Variants in ZNF506 observed in about 807,000 individuals in gnomAD.
ZNF506 encodes the protein zinc finger protein 506.
A neutral mutation model predicts 11.6 loss-of-function variants in ZNF506; 10 were observed. The observed-to-expected ratio is 0.86, with a 90% CI of 0.53 to 1.46. The LOEUF (loss-of-function observed/expected upper bound fraction) is 1.46. Ranked by LOEUF, ZNF506 falls within the 40% of genes most tolerant of loss-of-function variation. ZNF506 has a pLI of 0.00. For synonymous variants in ZNF506, 156 were observed against 173.3 expected (o/e 0.90, Z 0.78); for missense variants, 425 against 521.2 (o/e 0.82, Z 1.80).
At chr19:19,808,055 T>C (rs1448373539) in intron 1 of ZNF506, among the ~76,000 whole-genome samples, 1 of 146,646 alleles carries the variant, frequency 6.8e-6, no homozygotes, top group Non-Finnish European at 1.5e-5. Flanking sequence ...AAAATAACTC[T>C]ATAGTGAAAA....
Position 19,807,000 on chromosome 19 carries a change from T to A in ZNF506, c.72A>T (p.Ala24=), listed in dbSNP as rs1468621690. Residue 24 remains alanine, a synonymous_variant, in exon 2 of 4, where the codon GCA becomes GCT. Transcript: ENST00000540806. Reference sequence around the variant, plus strand: ...TCACATCCCTATATAGATTCCGCTGTGCAGCGTCCAGGCAATGCCACTCCT... The same window carrying A: ...TCACATCCCTATATAGATTCCGCTGAGCAGCGTCCAGGCAATGCCACTCCT... ...SLEEWHCLDA[A]QRNLYRDVML... 6.2e-7 allele frequency: 1 copy of A among 1,614,112 alleles called. No individual in the cohort carries two copies. The highest frequency in any genetic ancestry group is 8.5e-7 in the Non-Finnish European group (1 of 1,179,986).
Position 19,793,804 on chromosome 19 carries a change from TAGG to T in ZNF506, c.*745_*747del, listed in dbSNP as rs2062714290. The T allele has an allele frequency of 6.6e-6, 1 of 152,176 alleles. No homozygotes were observed. The allele number at this position is 152,176 out of a possible 1,614,324, so 9.4% of individuals were successfully genotyped here. A position where few individuals can be genotyped will look rare whatever the true frequency, so the allele number is the denominator to read the frequency against. The stretch of plus-strand genomic sequence containing the variant: ...AGTTTTGCCACATTCTTCACACTTG[TAGG>T]AGTTTTGGCAGCATTAATTCTCTTA... On this transcript the variant is annotated 3_prime_UTR_variant, in exon 4 of 4. Coordinates refer to ENST00000540806, the MANE Select transcript of ZNF506 (RefSeq NM_001099269.3).
At chr19:19,818,408 A>T (rs778763679) in intron 1 of ZNF506, among the ~76,000 whole-genome samples, 4 of 152,140 alleles carry the variant, frequency 2.6e-5, no homozygotes, top group Non-Finnish European at 5.9e-5. Context: ...TATCTACCAG[A>T]TTTTCCTGTG....
At chr19:19,799,543 CAAT>C in intron 3 of ZNF506, 2 of 550,216 alleles carry the variant, frequency 3.6e-6, no homozygotes, top group Non-Finnish European at 6.4e-6. Context: ...GAGTATAAGA[CAAT>C]AATATAAATA....
intron 1 of ZNF506, among the ~76,000 whole-genome samples, chr19:19,821,373 G>A (rs193260505): frequency 1.3e-5 from 2 of 152,306 alleles, no homozygotes; most frequent in East Asian, 3.9e-4. Context: ...TTCCACGCCA[G>A]GGCACAGTCA....
At position 19,806,120 on chromosome 19, in the gene ZNF506, A is replaced by T; in HGVS notation, c.137T>A (p.Val46Asp). Residue 46 changes from valine to aspartate, a missense_variant, in exon 3 of 4, where the codon GTT (valine) becomes GAT (aspartate). By Grantham distance (152) the Val-to-Asp change is radical (BLOSUM62 -3). This residue lies in a region of ZNF506 where 226 missense variants were observed against 279.1 expected (regional missense o/e 0.81). Coordinates refer to ENST00000540806, the MANE Select transcript of ZNF506 (RefSeq NM_001099269.3). The part of the protein sequence containing the change: ...NYRNLIFLGI[V>D]VSKPNLITCL... ...GGTGATCAGGTTTGGTTTAGAGACA[A>T]CAATACCTGTTTTATTAAGAATAAA... 1 of 1,600,528 alleles carries T rather than the reference A, an allele frequency of 6.2e-7. No homozygotes were observed. Among genetic ancestry groups the T allele is most frequent in the Non-Finnish European group, 8.5e-7 (1 of 1,175,162 alleles).
At chr19:19,800,882 T>C (rs2062786274) in intron 3 of ZNF506, among the ~76,000 whole-genome samples, 1 of 152,060 alleles carries the variant, frequency 6.6e-6, no homozygotes, top group Non-Finnish European at 1.5e-5. Flanking sequence ...TGTTTCAGGC[T>C]GGGAGCGGTG....
intron 1 of ZNF506, among the ~76,000 whole-genome samples, chr19:19,816,112 T>C (rs925425039): frequency 6.6e-6 from 1 of 152,102 alleles, no homozygotes; most frequent in African/African-American, 2.4e-5. Context: ...CTCTGCACAT[T>C]TTCTCTTTCT....
Position 19,794,818 on chromosome 19 carries a change from AGAG to A in ZNF506, c.1066_1068del (p.Leu356del). The A allele has an allele frequency of 6.2e-7, 1 of 1,610,696 alleles. No individual in the cohort carries two copies. The highest frequency in any genetic ancestry group is 8.5e-7 in the Non-Finnish European group (1 of 1,178,910). On this transcript the variant is annotated inframe_deletion, in exon 4 of 4. Coordinates refer to ENST00000540806, the MANE Select transcript of ZNF506 (RefSeq NM_001099269.3). ...CCAGTATGAGCTCTCTTATGTTTAG[AGAG>A]GCTTGAGTACCAGGTAAAGGTTTTG...
intron 1 of ZNF506, among the ~76,000 whole-genome samples, chr19:19,809,325 AG>A (rs2062865709): frequency 1.3e-5 from 2 of 152,242 alleles, no homozygotes; most frequent in Non-Finnish European, 2.9e-5. Flanking sequence ...AATTTTAACA[AG>A]TAGTTAAACC....
intron 1 of ZNF506, among the ~76,000 whole-genome samples, chr19:19,810,229 C>T (rs2062873466): frequency 6.6e-6 from 1 of 152,218 alleles, no homozygotes; most frequent in African/African-American, 2.4e-5. Context: ...GTCCCTTACA[C>T]TCAGCACTCT....
chr19:19,793,956 G>A lies in ZNF506; in HGVS notation c.*596C>T, dbSNP rs1045549541. 1.3e-5 allele frequency: 2 copies of A among 152,588 alleles called. No individual in the cohort carries two copies. 9.5% of individuals were successfully genotyped at this position (152,588 alleles called of 1,614,324 possible). Reference sequence around the variant, plus strand: ...TGGAGGTGGTGGTAAAAGCACTGTTGCATCTTTCAGGTTTGTAGAGTTCCT... The same window carrying A: ...TGGAGGTGGTGGTAAAAGCACTGTTACATCTTTCAGGTTTGTAGAGTTCCT... On this transcript the variant is annotated 3_prime_UTR_variant, in exon 4 of 4. Transcript: ENST00000540806.
Position 19,808,832 on chromosome 19 carries a change from A to C in ZNF506, c.4-1764T>G, listed in dbSNP as rs1359524770. 1.6e-5 allele frequency among the ~76,000 whole-genome samples: 2 copies of C among 128,614 alleles called. 1 individual carries two copies. Among genetic ancestry groups the C allele is most frequent in the African/African-American group, 6.3e-5 (2 of 31,776 alleles). The allele number at this position is 128,614 out of a possible 152,430, so 84.4% of individuals were successfully genotyped here. On this transcript the variant is annotated intron_variant, in intron 1 of 3. Transcript: ENST00000540806. ...TACCCCTGGCCTTGGTGACACAGCG[A>C]GACTCTGTCTCAAAAAAAAAAAAAA...
At chr19:19,820,947 T>C (rs2062963444) in intron 1 of ZNF506, among the ~76,000 whole-genome samples, 1 of 151,816 alleles carries the variant, frequency 6.6e-6, no homozygotes, top group Non-Finnish European at 1.5e-5. Context: ...TCGCCCAGGC[T>C]GGAGTTCAGT....
intron 1 of ZNF506, 115 bp downstream of exon 1, chr19:19,821,486 G>T: frequency 7.3e-7 from 1 of 1,369,542 alleles, no homozygotes; most frequent in South Asian, 1.2e-5. Context: ...AGCGCAGATT[G>T]TGGAGCTGAC....
chr19:19,821,108 C>T (rs1568482859), intron 1 of ZNF506, among the ~76,000 whole-genome samples: 1 of 152,178 alleles, frequency 6.6e-6, no homozygotes, highest in Non-Finnish European at 1.5e-5. Context: ...CCATTTTGGC[C>T]AGGCTTGTCT....
chr19:19,804,971 A>G (rs1268692556), intron 3 of ZNF506, among the ~76,000 whole-genome samples: 1 of 152,086 alleles, frequency 6.6e-6, no homozygotes, highest in East Asian at 1.9e-4. Flanking sequence ...ATTAGGAGAG[A>G]TACCTAATGT....
chr19:19,806,968 T>C lies in ZNF506; in HGVS notation c.104A>G (p.Glu35Gly). 2.5e-6 allele frequency: 4 copies of C among 1,613,830 alleles called. No homozygotes were observed. Among genetic ancestry groups the C allele is most frequent in the Non-Finnish European group, 3.4e-6 (4 of 1,179,922 alleles). ...QRNLYRDVML[E>G]NYRNLIFLGI... ...AAGGAAGATCAGGTTTCTGTAGTTCTCTAACATCACATCCCTATATAGATT... is the reference window on the plus strand; with the variant it reads ...AAGGAAGATCAGGTTTCTGTAGTTCCCTAACATCACATCCCTATATAGATT... Residue 35 changes from glutamate to glycine, a missense_variant, in exon 2 of 4, where the codon GAG (glutamate) becomes GGG (glycine). By Grantham distance (98) the Glu-to-Gly change is moderately conservative. Transcript: ENST00000540806.
chr19:19,806,837 G>A, intron 2 of ZNF506, 105 bp downstream of exon 2: 1 of 1,352,254 alleles, frequency 7.4e-7, no homozygotes, highest in Non-Finnish European at 9.9e-7. Flanking sequence ...AAGGAGATCT[G>A]AAACTCTTGT....
Sources: allele counts gnomAD v4.1 joint callset (sites outside exome capture counted in the v4.1 genomes callset), GRCh38; gene constraint gnomAD v4.1.1; regional missense constraint gnomAD v4.1.1; transcripts MANE v1.5; gene names NCBI Gene and HGNC (gene_info 2026-07-23, HGNC 2026-07-21).